SMYD3: variants seen among roughly 807,000 people sequenced by gnomAD.
The protein encoded by SMYD3 is histone-lysine N-methyltransferase SMYD3.
A neutral mutation model predicts 57.7 loss-of-function variants in SMYD3; 36 were observed. That is an observed-to-expected ratio of 0.62 (90% CI 0.48 to 0.82). SMYD3 has a LOEUF of 0.82. Among genes scored for constraint, SMYD3 ranks in the 40% least tolerant of loss-of-function variants. The pLI, the probability that SMYD3 is intolerant of heterozygous loss-of-function variation, is 0.00. For missense variants in SMYD3, 515 were observed against 538.8 expected (o/e 0.96, Z 0.44); for synonymous variants, 211 against 195.0 (o/e 1.08, Z -0.68).
intron 5 of SMYD3, among the ~76,000 whole-genome samples, chr1:246,008,444 G>C (rs2059216089): frequency 6.6e-6 from 1 of 152,224 alleles, no homozygotes; most frequent in Admixed American, 6.5e-5. Flanking sequence ...TTTCTGGGAG[G>C]TGATCTGCCC....
intron 5 of SMYD3, chr1:246,053,136 T>G (rs2060089848): frequency 6.6e-6 from 1 of 152,066 alleles, no homozygotes. Flanking sequence ...TCCCAGCTAC[T>G]GGGGAGGCTG....
intron 11 of SMYD3, among the ~76,000 whole-genome samples, chr1:245,749,941 T>C (rs1309628195): frequency 2.0e-5 from 3 of 152,208 alleles, no homozygotes; most frequent in South Asian, 2.1e-4. Context: ...TGCACAGGTT[T>C]GGTGGGTAGT....
chr1:246,278,766 T>G (rs1350902486), intron 5 of SMYD3, among the ~76,000 whole-genome samples: 3 of 152,042 alleles, frequency 2.0e-5, no homozygotes, highest in African/African-American at 7.2e-5. Context: ...ACAGAAACCA[T>G]ACGATTAAAA....
intron 10 of SMYD3, among the ~76,000 whole-genome samples, chr1:245,789,453 A>G (rs2047177813): frequency 6.6e-6 from 1 of 152,238 alleles, no homozygotes; most frequent in Non-Finnish European, 1.5e-5. Flanking sequence ...AATAAAATAC[A>G]GACTAAGAAG....
intron 5 of SMYD3, among the ~76,000 whole-genome samples, chr1:246,010,635 G>C (rs919561776): frequency 6.6e-6 from 1 of 152,164 alleles, no homozygotes; most frequent in Non-Finnish European, 1.5e-5. Flanking sequence ...AAATAGGAAA[G>C]ACAAGGAAAA....
chr1:246,482,514 G>T (rs768523025), intron 1 of SMYD3, among the ~76,000 whole-genome samples: 5 of 151,846 alleles, frequency 3.3e-5, no homozygotes, highest in African/African-American at 1.2e-4. Flanking sequence ...CCTGGCCTAC[G>T]TCAGGGCCAA....
At chr1:246,370,195 T>C (rs755643714) in intron 1 of SMYD3, among the ~76,000 whole-genome samples, 3 of 152,192 alleles carry the variant, frequency 2.0e-5, no homozygotes, top group Non-Finnish European at 4.4e-5. Flanking sequence ...ACCATGGGCA[T>C]CATCGCATAA....
intron 5 of SMYD3, among the ~76,000 whole-genome samples, chr1:246,002,247 C>G (rs71636602): frequency 0.17 from 24,400 of 141,104 alleles, 2,372 homozygotes; most frequent in South Asian, 0.33. Flanking sequence ...TGCTGTGGCG[C>G]GATCTCGGCT....
At chr1:245,955,895 C>A in intron 5 of SMYD3, 2 of 963,192 alleles carry the variant, frequency 2.1e-6, no homozygotes, top group Non-Finnish European at 2.5e-6. Flanking sequence ...TTTTTTGGCT[C>A]AACATTATAT....
intron 10 of SMYD3, among the ~76,000 whole-genome samples, chr1:245,801,344 C>T (rs769257807): frequency 5.3e-5 from 8 of 152,320 alleles, no homozygotes; most frequent in East Asian, 1.9e-4. Flanking sequence ...TCCCACAAGA[C>T]GCTGATGAGT....
intron 5 of SMYD3, among the ~76,000 whole-genome samples, chr1:246,193,995 T>G (rs2148336442): frequency 6.6e-6 from 1 of 152,354 alleles, no homozygotes; most frequent in East Asian, 1.9e-4. Flanking sequence ...AATTGGTCAT[T>G]ATGTTCTCTT....
At chr1:246,138,060 A>G (rs2061690140) in intron 5 of SMYD3, among the ~76,000 whole-genome samples, 1 of 152,188 alleles carries the variant, frequency 6.6e-6, no homozygotes, top group East Asian at 1.9e-4. Flanking sequence ...AATGATAAAA[A>G]GATATTCCTT....
chr1:245,806,916 CAAAAAAAAAAAAAAAAAAAA>C (rs112012738), intron 10 of SMYD3, among the ~76,000 whole-genome samples: 1 of 41,318 alleles, frequency 2.4e-5, no homozygotes, highest in African/African-American at 9.1e-5. Context: ...GACTCCGTCT[CAAAAAAAAAAAAAAAAAAAA>C]AAAAAAAAAG....
At chr1:246,009,462 T>C (rs1380517900) in intron 5 of SMYD3, among the ~76,000 whole-genome samples, 3 of 152,194 alleles carry the variant, frequency 2.0e-5, no homozygotes, top group African/African-American at 7.2e-5. Context: ...GAAATATTTG[T>C]GAATATATAT....
intron 5 of SMYD3, among the ~76,000 whole-genome samples, chr1:246,082,852 A>C (rs896519760): frequency 1.3e-5 from 2 of 151,956 alleles, no homozygotes. Context: ...GTGCTGTGTC[A>C]ACTCAGGGTT....
At chr1:246,010,441 C>T (rs2059261644) in intron 5 of SMYD3, among the ~76,000 whole-genome samples, 2 of 152,168 alleles carry the variant, frequency 1.3e-5, no homozygotes, top group Admixed American at 1.3e-4. Flanking sequence ...GTATCCAGAG[C>T]CCAATGATGC....
chr1:245,971,082 T>C (rs1572817182), intron 5 of SMYD3, among the ~76,000 whole-genome samples: 2 of 152,092 alleles, frequency 1.3e-5, no homozygotes, highest in South Asian at 4.1e-4. Flanking sequence ...ATACAGAAAA[T>C]GTGGCACATA....
chr1:246,094,294 A>G (rs1373498361), intron 5 of SMYD3, among the ~76,000 whole-genome samples: 1 of 152,176 alleles, frequency 6.6e-6, no homozygotes, highest in Non-Finnish European at 1.5e-5. Context: ...GGGACTTTCC[A>G]TACACTGCGT....
At chr1:246,314,711 G>T (rs1489806001) in intron 5 of SMYD3, among the ~76,000 whole-genome samples, 1 of 152,164 alleles carries the variant, frequency 6.6e-6, no homozygotes, top group Non-Finnish European at 1.5e-5. Flanking sequence ...GTTTATAACT[G>T]AGTTATCTGA....
Sources: allele counts gnomAD v4.1 joint callset (sites outside exome capture counted in the v4.1 genomes callset), GRCh38; gene constraint gnomAD v4.1.1; transcripts MANE v1.5; gene names NCBI Gene and HGNC (gene_info 2026-07-23, HGNC 2026-07-21).